LRRTM4: variants seen among roughly 807,000 people sequenced by gnomAD.
The protein encoded by LRRTM4 is leucine-rich repeat transmembrane neuronal protein 4.
A neutral mutation model predicts 47.6 loss-of-function variants in LRRTM4; 25 were observed. The ratio of observed to expected loss-of-function variants is 0.53; its 90% confidence interval spans 0.38 to 0.73. The LOEUF (loss-of-function observed/expected upper bound fraction) is 0.73. Ranked by LOEUF, LRRTM4 falls within the 30% of genes least tolerant of loss-of-function variation. The probability of loss-of-function intolerance (pLI) is 0.00; values close to 1 mark genes in which losing one functional copy is unlikely to be tolerated. For synonymous variants in LRRTM4, 311 were observed against 269.5 expected, an observed-to-expected ratio of 1.15 and a Z score of -1.51; for missense variants, 638 against 713.4, an observed-to-expected ratio of 0.89 and a Z score of 1.20.
chr2:76,870,809 T>C (rs926692337), intron 3 of LRRTM4, among the ~76,000 whole-genome samples: 31 of 152,340 alleles, frequency 2.0e-4, no homozygotes, highest in African/African-American at 7.5e-4. Flanking sequence ...ATGCTTATCA[T>C]ATAAATGCAA....
intron 3 of LRRTM4, among the ~76,000 whole-genome samples, chr2:77,501,879 G>A (rs569809387): frequency 1.5e-3 from 227 of 151,346 alleles, no homozygotes; most frequent in Admixed American, 2.7e-3. Context: ...TAGTCACAGT[G>A]GTGGTGAATA....
intron 3 of LRRTM4, among the ~76,000 whole-genome samples, chr2:76,759,816 A>T (rs1283000335): frequency 6.6e-6 from 1 of 152,052 alleles, no homozygotes; most frequent in Non-Finnish European, 1.5e-5. Flanking sequence ...ATGCTTCTAG[A>T]GGGGCCTTCT....
intron 3 of LRRTM4, among the ~76,000 whole-genome samples, chr2:77,191,569 A>T (rs887909168): frequency 4.0e-5 from 6 of 151,894 alleles, no homozygotes; most frequent in Non-Finnish European, 7.4e-5. Context: ...TTTTAAATTA[A>T]AACTCTATTT....
intron 3 of LRRTM4, among the ~76,000 whole-genome samples, chr2:77,397,451 G>A (rs10178715): frequency 0.023 from 3,452 of 151,792 alleles, 146 homozygotes; most frequent in African/African-American, 0.079. Context: ...AGACTTGATC[G>A]CCCACAGGAC....
At position 77,519,831 on chromosome 2, in the gene LRRTM4, C is replaced by T. The variant is rs377371374; in HGVS notation, c.38G>A (p.Ser13Asn). 26 of 1,610,888 alleles carry T rather than the reference C, an allele frequency of 1.6e-5. No individual in the cohort carries two copies. In the African/African-American group the frequency reaches 2.9e-4, roughly 18 times the overall value. Residue 13 changes from serine to asparagine, a missense_variant, in exon 3 of 4, where the codon AGT (serine) becomes AAT (asparagine). Ser to Asn is a conservative substitution (Grantham distance 46). Coordinates refer to ENST00000409884, the MANE Select transcript of LRRTM4 (RefSeq NM_001134745.3). The surrounding 1 kb of genome is among the most constrained non-coding windows in gnomAD (Gnocchi z 4.6). ...TGTAGGAAGTAGCACCAGCACCACA[C>T]TCATGCCTTTCAGCTGCGTAATTAA... ...FHLITQLKGM[S>N]VVLVLLPTLL...
intron 3 of LRRTM4, among the ~76,000 whole-genome samples, chr2:77,035,179 A>G (rs963595174): frequency 6.6e-6 from 1 of 151,702 alleles, no homozygotes; most frequent in African/African-American, 2.4e-5. Context: ...CGTCATTTAC[A>G]TTAGATATAT....
rs563591010 is a variant in LRRTM4 at position 77,169,207 on chromosome 2, C to T, written c.1551+349111G>A. 3.3e-5 allele frequency among the ~76,000 whole-genome samples: 5 copies of T among 152,144 alleles called. No homozygotes were observed. The East Asian group carries it at 9.7e-4, about 29-fold the overall frequency. ...TTCACCATTCTTATTTAATATAGTA[C>T]TGGCAGTCCTAGCCGGAGCAATCAG... On this transcript the variant is annotated intron_variant, in intron 3 of 3. Transcript: ENST00000409884.
chr2:76,898,017 G>T (rs1233672811), intron 3 of LRRTM4, among the ~76,000 whole-genome samples: 1 of 152,078 alleles, frequency 6.6e-6, no homozygotes, highest in Non-Finnish European at 1.5e-5. Context: ...TAACAGGATG[G>T]CCCAGATTTG....
intron 3 of LRRTM4, among the ~76,000 whole-genome samples, chr2:76,794,566 T>G (rs1007313866): frequency 6.6e-6 from 1 of 152,236 alleles, no homozygotes; most frequent in Admixed American, 6.5e-5. Context: ...TAATTCTATA[T>G]GCTTTTTATT....
chr2:76,984,216 G>T (rs1446717), intron 3 of LRRTM4, among the ~76,000 whole-genome samples: 1 of 151,742 alleles, frequency 6.6e-6, no homozygotes, highest in African/African-American at 2.4e-5. Flanking sequence ...GCTTTTCACA[G>T]CTTTATGATG....
intron 3 of LRRTM4, among the ~76,000 whole-genome samples, chr2:76,963,338 A>G (rs1675923151): frequency 6.6e-6 from 1 of 150,872 alleles, no homozygotes; most frequent in South Asian, 2.1e-4. Flanking sequence ...CATTACTATT[A>G]GTTATCATTG....
chr2:77,033,609 G>T (rs1678735959), intron 3 of LRRTM4, among the ~76,000 whole-genome samples: 1 of 151,606 alleles, frequency 6.6e-6, no homozygotes, highest in Admixed American at 6.6e-5. Flanking sequence ...TCTCTCCTTG[G>T]GGCTCTTAGT....
At chr2:76,792,407 T>C (rs755263847) in intron 3 of LRRTM4, among the ~76,000 whole-genome samples, 1 of 152,174 alleles carries the variant, frequency 6.6e-6, no homozygotes, top group African/African-American at 2.4e-5. Flanking sequence ...AGGAATCATC[T>C]ACCTGACACA....
chr2:77,314,257 G>A (rs1297096806), intron 3 of LRRTM4, among the ~76,000 whole-genome samples: 10 of 151,996 alleles, frequency 6.6e-5, no homozygotes. Flanking sequence ...ATTTTTCTTG[G>A]TTTGTTTTAT....
chr2:76,749,638 A>T (rs1672779679), intron 3 of LRRTM4, among the ~76,000 whole-genome samples: 1 of 152,182 alleles, frequency 6.6e-6, no homozygotes. Context: ...ATATGTGTCT[A>T]ATGTTAGCGT....
intron 3 of LRRTM4, among the ~76,000 whole-genome samples, chr2:77,000,310 G>GAAAA (rs3057996): frequency 4.9e-4 from 71 of 145,754 alleles, no homozygotes; most frequent in Admixed American, 1.4e-3. Context: ...GGGATTTCTA[G>GAAAA]AAAAAAAAAA....
intron 3 of LRRTM4, among the ~76,000 whole-genome samples, chr2:77,367,128 C>G (rs113252719): frequency 1.3e-5 from 2 of 151,808 alleles, no homozygotes; most frequent in African/African-American, 4.8e-5. Context: ...GATTTCTCGG[C>G]TTGGAATGAC....
intron 3 of LRRTM4, among the ~76,000 whole-genome samples, chr2:77,029,237 T>C (rs1173353878): frequency 2.0e-5 from 3 of 151,748 alleles, no homozygotes; most frequent in African/African-American, 4.8e-5. Flanking sequence ...TATATATGAA[T>C]GGGAGTTTAT....
intron 3 of LRRTM4, among the ~76,000 whole-genome samples, chr2:77,192,578 C>T (rs1673700394): frequency 6.6e-6 from 1 of 150,698 alleles, no homozygotes; most frequent in African/African-American, 2.4e-5. Flanking sequence ...TTAAAGTAAC[C>T]ACACTAAACC....
Sources: allele counts gnomAD v4.1 joint callset (sites outside exome capture counted in the v4.1 genomes callset), GRCh38; gene constraint gnomAD v4.1.1; non-coding constraint Gnocchi (gnomAD v3.1); transcripts MANE v1.5; gene names NCBI Gene and HGNC (gene_info 2026-07-23, HGNC 2026-07-21).